MAGI3: variants seen among roughly 807,000 people sequenced by gnomAD.
MAGI3 encodes membrane-associated guanylate kinase, WW and PDZ domain-containing protein 3.
A neutral mutation model predicts 121.8 loss-of-function variants in MAGI3; 43 were observed. The ratio of observed to expected loss-of-function variants is 0.35; its 90% CI spans 0.28 to 0.46. The LOEUF (loss-of-function observed/expected upper bound fraction) is 0.46, where lower values mean the gene tolerates loss of function less well. Ranked by LOEUF, MAGI3 falls within the 20% of genes least tolerant of loss-of-function variation. The probability of loss-of-function intolerance (pLI) is 1.00; values close to 1 mark genes in which losing one functional copy is unlikely to be tolerated. For missense variants in MAGI3, 1,547 were observed against 1,797.3 expected, an observed-to-expected ratio of 0.86 and a Z score of 2.52; for synonymous variants, 553 against 639.3, an observed-to-expected ratio of 0.86 and a Z score of 2.04.
In MAGI3 at chr1:113,391,003, G is replaced by T. The variant is rs1369198025; in HGVS notation, c.-31G>T. 1.3e-6 allele frequency: 2 copies of T among 1,513,422 alleles called. No homozygotes were observed. Among genetic ancestry groups the T allele is most frequent in the Middle Eastern group, 4.6e-4 (2 of 4,380 alleles). 93.7% of individuals were successfully genotyped at this position (1,513,422 alleles called of 1,614,324 possible). On this transcript the variant is annotated 5_prime_UTR_variant, in exon 1 of 21. Coordinates refer to ENST00000307546, the MANE Select transcript of MAGI3 (RefSeq NM_001142782.2). This position sits in a 1 kb window ranked among gnomAD's most constrained non-coding sequence, Gnocchi z 4.4. ...GAGCGGCGCCCCGGCCGCCCGCGCG[G>T]GGTCTCCCCCATGGTGCAGCGGGGT...
At chr1:113,567,528 G>A (rs375692533) in intron 2 of MAGI3, among the ~76,000 whole-genome samples, 5 of 151,948 alleles carry the variant, frequency 3.3e-5, no homozygotes, top group South Asian at 2.1e-4. Context: ...GAAAATACTA[G>A]CAAACCAAAT....
chr1:113,636,402 T>C (rs369119300), intron 9 of MAGI3, among the ~76,000 whole-genome samples: 1 of 152,252 alleles, frequency 6.6e-6, no homozygotes, highest in African/African-American at 2.4e-5. Flanking sequence ...GCTTTGAATG[T>C]GTCCCAGAGA....
At chr1:113,413,394 G>A (rs1427089152) in intron 1 of MAGI3, among the ~76,000 whole-genome samples, 1 of 152,120 alleles carries the variant, frequency 6.6e-6, no homozygotes, top group African/African-American at 2.4e-5. Flanking sequence ...CTTTAAAGTA[G>A]TTTTTTCCAA....
intron 1 of MAGI3, among the ~76,000 whole-genome samples, chr1:113,460,584 C>T (rs1453044093): frequency 2.6e-5 from 4 of 151,978 alleles, no homozygotes; most frequent in South Asian, 2.1e-4. Context: ...CCGAGGTGGG[C>T]GGATCATGAA....
intron 1 of MAGI3, among the ~76,000 whole-genome samples, chr1:113,399,346 A>G (rs1428727025): frequency 6.6e-6 from 1 of 152,142 alleles, no homozygotes; most frequent in East Asian, 1.9e-4. Context: ...GGGTATAAAT[A>G]GCATAATATG....
intron 1 of MAGI3, among the ~76,000 whole-genome samples, chr1:113,477,369 T>G (rs7413018): frequency 0.15 from 23,180 of 152,176 alleles, 2,803 homozygotes; most frequent in East Asian, 0.63. Context: ...TGGTAGTGGT[T>G]GTTTCTTTCC....
At chr1:113,605,799 C>T (rs913497962) in intron 6 of MAGI3, among the ~76,000 whole-genome samples, 4 of 151,992 alleles carry the variant, frequency 2.6e-5, no homozygotes, top group Admixed American at 2.6e-4. Flanking sequence ...GGGGTTTCAC[C>T]GTATTGGCGA....
intron 2 of MAGI3, among the ~76,000 whole-genome samples, chr1:113,550,177 G>A (rs1659710358): frequency 6.6e-6 from 1 of 151,036 alleles, no homozygotes; most frequent in African/African-American, 2.4e-5. Context: ...TTGGGAGGCC[G>A]AGGCGGACGG....
rs555292899 is a variant in MAGI3, at chr1:113,460,559, C to T, written c.316+69210C>T. ...GCACGGTGGCTCACGCCTGTAATCC[C>T]AGCACTTTGGGAGGCCGAGGTGGGC... is the stretch of plus-strand genomic sequence containing the variant. On this transcript the variant is annotated intron_variant, in intron 1 of 20. Coordinates refer to ENST00000307546, the MANE Select transcript of MAGI3 (RefSeq NM_001142782.2). Among the ~76,000 whole-genome samples the T allele has an allele frequency of 3.9e-5, 6 of 152,254 alleles. No homozygotes were observed. The South Asian group carries it at 1.0e-3, about 26-fold the overall frequency.
intron 1 of MAGI3, among the ~76,000 whole-genome samples, chr1:113,511,757 T>C (rs561453949): frequency 6.6e-6 from 1 of 152,346 alleles, no homozygotes; most frequent in East Asian, 1.9e-4. Context: ...TACAAATGAC[T>C]AGATAAATAG....
At chr1:113,554,638 ATATTTACCCATGACAAAC>A (rs1276281795) in intron 2 of MAGI3, among the ~76,000 whole-genome samples, 1 of 152,080 alleles carries the variant, frequency 6.6e-6, no homozygotes, top group Admixed American at 6.5e-5. Context: ...TGATGCATTT[ATATTTACCCATGACAAAC>A]TATCAAGCCA....
intron 1 of MAGI3, among the ~76,000 whole-genome samples, chr1:113,392,491 G>A (rs1650878617): frequency 6.6e-6 from 1 of 152,082 alleles, no homozygotes. Context: ...AGCTCGCTTT[G>A]GAAATATTAA....
chr1:113,633,314 T>A (rs1383054079), intron 9 of MAGI3, among the ~76,000 whole-genome samples: 4 of 116,962 alleles, frequency 3.4e-5, no homozygotes, highest in Non-Finnish European at 4.9e-5. Context: ...CAGGCTGGAG[T>A]GCAGTGGCGG....
At chr1:113,396,727 C>T (rs1002345290) in intron 1 of MAGI3, among the ~76,000 whole-genome samples, 5 of 152,134 alleles carry the variant, frequency 3.3e-5, no homozygotes, top group Non-Finnish European at 5.9e-5. Flanking sequence ...GTGCACCCAC[C>T]AAGTGCCAGC....
At chr1:113,653,747 G>A in intron 14 of MAGI3, 83 bp from the exon 15 acceptor site, 2 of 1,218,140 alleles carry the variant, frequency 1.6e-6, no homozygotes, top group East Asian at 5.1e-5. Context: ...GAATTTTTCT[G>A]TGAGAGGCTT....
At chr1:113,557,932 G>A (rs946167111) in intron 2 of MAGI3, among the ~76,000 whole-genome samples, 1 of 152,038 alleles carries the variant, frequency 6.6e-6, no homozygotes, top group Non-Finnish European at 1.5e-5. Context: ...AGGCAACTAG[G>A]GTCTGGAGCA....
chr1:113,614,530 A>G (rs1342647438), intron 6 of MAGI3, 71 bp from the exon 7 acceptor site: 1 of 1,128,178 alleles, frequency 8.9e-7, no homozygotes, highest in Non-Finnish European at 1.3e-6. Flanking sequence ...GAAATAATAA[A>G]TTCACTCACT....
intron 9 of MAGI3, among the ~76,000 whole-genome samples, chr1:113,627,693 G>C (rs1293018690): frequency 6.7e-6 from 1 of 150,342 alleles, no homozygotes; most frequent in Non-Finnish European, 1.5e-5. Flanking sequence ...TATGTGTCTG[G>C]GTACTCCAGT....
chr1:113,416,329 T>TGTA (rs1553182696), intron 1 of MAGI3, among the ~76,000 whole-genome samples: 31,475 of 115,620 alleles, frequency 0.27, 9,833 homozygotes, highest in African/African-American at 0.42. Flanking sequence ...TAATTAATTA[T>TGTA]ATATCAATCA....
Sources: allele counts gnomAD v4.1 joint callset (sites outside exome capture counted in the v4.1 genomes callset), GRCh38; gene constraint gnomAD v4.1.1; non-coding constraint Gnocchi (gnomAD v3.1); transcripts MANE v1.5; gene names NCBI Gene and HGNC (gene_info 2026-07-23, HGNC 2026-07-21).